The following CDC14A variants were observed in gnomAD, a reference collection of about 807,000 sequenced individuals.
CDC14A encodes the protein cell division cycle 14A.
Under a neutral mutation model 74.4 loss-of-function variants are expected in CDC14A, and 53 were observed. That is an observed-to-expected ratio of 0.71 (90% confidence interval 0.57 to 0.89). The LOEUF is 0.89. Among genes scored for constraint, CDC14A ranks in the 40% least tolerant of loss-of-function variants. The pLI, the probability that CDC14A is intolerant of heterozygous loss-of-function variation, is 0.00. For missense variants in CDC14A, 646 were observed against 713.7 expected, an observed-to-expected ratio of 0.91 and a Z score of 1.08; for synonymous variants, 247 against 258.4, an observed-to-expected ratio of 0.96 and a Z score of 0.43.
intron 2 of CDC14A, among the ~76,000 whole-genome samples, chr1:100,377,054 A>T (rs28361200): frequency 0.13 from 18,900 of 145,468 alleles, 1,415 homozygotes; most frequent in Non-Finnish European, 0.16. Flanking sequence ...TTTTTTTGCG[A>T]TGGAGTTTCA....
rs1662676539 is a variant in CDC14A at position 100,424,161 on chromosome 1, G to T, written c.310-61G>T. 8 of 1,240,448 alleles carry T rather than the reference G, an allele frequency of 6.4e-6. No individual in the cohort carries two copies. In the South Asian group the frequency reaches 8.4e-5, roughly 13 times the overall value. The allele number at this position is 1,240,448 out of a possible 1,614,324, so 76.8% of individuals were successfully genotyped here. Reference sequence around the variant, plus strand: ...GTGGAGGAAGTGAAATGCAAATTTGGTGAGTAATTAGTTTTGTGTCATTCT... The same window carrying T: ...GTGGAGGAAGTGAAATGCAAATTTGTTGAGTAATTAGTTTTGTGTCATTCT... On this transcript the variant is annotated intron_variant, in intron 4 of 15. Transcript: ENST00000336454.
intron 7 of CDC14A, among the ~76,000 whole-genome samples, chr1:100,443,723 C>T (rs150771705): frequency 1.2e-3 from 179 of 151,790 alleles, no homozygotes; most frequent in African/African-American, 4.1e-3. Context: ...TTTTTTTTCC[C>T]CATGGCATCA....
chr1:100,485,249 G>A (rs1669910699), intron 11 of CDC14A: 3 of 985,216 alleles, frequency 3.0e-6, no homozygotes, highest in Non-Finnish European at 3.6e-6. Context: ...AAAGTTCCAG[G>A]GTTGTTTAGT....
In CDC14A at chr1:100,398,726, TTATC is replaced by T. The variant is rs1176701939; in HGVS notation, c.309+7905_309+7908del. Among the ~76,000 whole-genome samples the T allele has an allele frequency of 3.3e-5, 5 of 152,154 alleles. No individual in the cohort carries two copies. The East Asian group carries it at 7.7e-4, about 23-fold the overall frequency. Reference sequence around the variant, plus strand: ...TAGGTACAATTGGGTAAATATGAATTTATCTAACAAATGTTTTTTTGAGGTATTT... The same window carrying T: ...TAGGTACAATTGGGTAAATATGAATTTAACAAATGTTTTTTTGAGGTATTT... On this transcript the variant is annotated intron_variant, in intron 4 of 15. Transcript: ENST00000336454.
At chr1:100,357,394 C>T (rs564465196) in intron 2 of CDC14A, among the ~76,000 whole-genome samples, 2 of 152,210 alleles carry the variant, frequency 1.3e-5, no homozygotes, top group South Asian at 2.1e-4. Context: ...GACTCCATCT[C>T]GTCAGCTCCA....
At chr1:100,512,630 A>G (rs746671818) in intron 15 of CDC14A, among the ~76,000 whole-genome samples, 2 of 152,196 alleles carry the variant, frequency 1.3e-5, no homozygotes, top group Non-Finnish European at 2.9e-5. Flanking sequence ...GCTCTTTGTG[A>G]TTGTTGAAAA....
At chr1:100,361,353 T>G (rs1192846753) in intron 2 of CDC14A, among the ~76,000 whole-genome samples, 1 of 152,194 alleles carries the variant, frequency 6.6e-6, no homozygotes, top group Admixed American at 6.5e-5. Flanking sequence ...GGATAATACA[T>G]GACCAAAGCT....
chr1:100,378,292 A>G lies in CDC14A; in HGVS notation c.216+671A>G, dbSNP rs28361205. Among the ~76,000 whole-genome samples the G allele has an allele frequency of 8.2e-3, 1,254 of 152,190 alleles. 18 individuals are homozygous for G. Among genetic ancestry groups the G allele is most frequent in the African/African-American group, 0.029 (1,201 of 41,534 alleles). Reference sequence around the variant, plus strand: ...ACTCATCTATATACCTAGTTTTAGTAAACTTATTTTATCACACAGAAAGCA... The same window carrying G: ...ACTCATCTATATACCTAGTTTTAGTGAACTTATTTTATCACACAGAAAGCA... On this transcript the variant is annotated intron_variant, in intron 3 of 15. Coordinates refer to ENST00000336454, the MANE Select transcript of CDC14A (RefSeq NM_003672.4).
chr1:100,455,355 A>G (rs769016200), intron 7 of CDC14A, 50 bp from the exon 8 acceptor site: 4 of 1,226,948 alleles, frequency 3.3e-6, no homozygotes, highest in East Asian at 2.5e-5. Flanking sequence ...CCTAAATTGT[A>G]TAAGAATTAT....
chr1:100,351,764 A>T (rs1557670095), upstream of CDC14A: 8 of 1,550,596 alleles, frequency 5.2e-6, no homozygotes, highest in Non-Finnish European at 7.0e-6. Flanking sequence ...CAGATGGGAA[A>T]CTTTTTGTCC....
intron 4 of CDC14A, among the ~76,000 whole-genome samples, chr1:100,408,993 C>A (rs1479778121): frequency 6.6e-6 from 1 of 152,088 alleles, no homozygotes; most frequent in East Asian, 1.9e-4. Context: ...ATCTCCTTAT[C>A]CCCTGTATTA....
chr1:100,422,342 T>C (rs1198348769), intron 4 of CDC14A, among the ~76,000 whole-genome samples: 1 of 152,198 alleles, frequency 6.6e-6, no homozygotes, highest in East Asian at 1.9e-4. Flanking sequence ...GCATTTTTGC[T>C]TTTCAAAGGT....
At chr1:100,417,409 T>C (rs1488885950) in intron 4 of CDC14A, among the ~76,000 whole-genome samples, 1 of 152,174 alleles carries the variant, frequency 6.6e-6, no homozygotes, top group African/African-American at 2.4e-5. Flanking sequence ...AGTAAATATA[T>C]ATGCTGATTG....
intron 2 of CDC14A, among the ~76,000 whole-genome samples, chr1:100,362,528 T>C (rs1242126416): frequency 2.0e-5 from 3 of 152,224 alleles, no homozygotes; most frequent in African/African-American, 4.8e-5. Context: ...CCATACTGTA[T>C]TGAACATTTT....
At chr1:100,441,120 T>G (rs116604755) in intron 6 of CDC14A, among the ~76,000 whole-genome samples, 1,921 of 152,336 alleles carry the variant, frequency 0.013, 41 homozygotes, top group African/African-American at 0.044. Flanking sequence ...CTACAGGCCA[T>G]TTGTTTTATA....
chr1:100,355,463 T>G (rs1651748726), intron 2 of CDC14A, among the ~76,000 whole-genome samples: 1 of 152,166 alleles, frequency 6.6e-6, no homozygotes. Flanking sequence ...TATTGATAGA[T>G]GAGGGAAATT....
intron 11 of CDC14A, among the ~76,000 whole-genome samples, chr1:100,494,585 A>G (rs1039703219): frequency 4.6e-5 from 7 of 152,046 alleles, no homozygotes; most frequent in Non-Finnish European, 1.0e-4. Flanking sequence ...TGTATATTCT[A>G]CCACATCTAT....
intron 2 of CDC14A, among the ~76,000 whole-genome samples, chr1:100,375,232 G>T (rs1655074288): frequency 6.6e-6 from 1 of 152,170 alleles, no homozygotes; most frequent in African/African-American, 2.4e-5. Context: ...AATACATTTA[G>T]AATATTTGGG....
At position 100,390,738 on chromosome 1, in the gene CDC14A, A is replaced by G; in HGVS notation, c.223A>G (p.Ser75Gly). ...CKLNKKLKSY[S>G]LSRKKIVHYT... is the part of the protein sequence containing the mutation. ...TTTTATCTCCTCTTTCTAGTCATAC[A>G]GTTTGTCAAGAAAGAAAATAGTGCA... The change falls in exon 4 of 16, where the codon AGT becomes GGT. Residue 75 changes from serine (S) to glycine (G), a missense_variant. Physicochemically the swap from Ser to Gly is moderately conservative, Grantham distance 56 (BLOSUM62 0). Coordinates refer to ENST00000336454, the MANE Select transcript of CDC14A (RefSeq NM_003672.4). 6.2e-7 allele frequency: 1 copy of G among 1,604,504 alleles called. No individual in the cohort carries two copies. The highest frequency in any genetic ancestry group is 8.5e-7 in the Non-Finnish European group (1 of 1,171,810).
Sources: gnomAD v4.1 joint callset for allele counts (sites outside exome capture counted in the v4.1 genomes callset) on GRCh38, gnomAD v4.1.1 for gene constraint, MANE v1.5 for transcripts, NCBI Gene and HGNC (gene_info 2026-07-23, HGNC 2026-07-21) for gene names.